LARGE1: variants seen among roughly 807,000 people sequenced by gnomAD.
The protein encoded by LARGE1 is LARGE xylosyl- and glucuronyltransferase 1, also known as xylosyl- and glucuronyltransferase LARGE1.
LARGE1 carries 43 observed loss-of-function variants against 87.6 expected under a neutral mutation model. The ratio of observed to expected loss-of-function variants is 0.49; its 90% CI spans 0.38 to 0.63. LARGE1 has a LOEUF of 0.63. LARGE1 is among the 30% of genes least tolerant of loss of function. The pLI is 0.00. For missense variants in LARGE1, 802 were observed against 1,000.2 expected, an observed-to-expected ratio of 0.80 and a Z score of 2.67; for synonymous variants, 434 against 394.6, an observed-to-expected ratio of 1.10 and a Z score of -1.18.
the LARGE1 span, among the ~76,000 whole-genome samples, chr22:33,124,988 C>T: frequency 6.6e-6 from 1 of 152,188 alleles, no homozygotes; most frequent in African/African-American, 2.4e-5. Context: ...GGTTTGCGGT[C>T]ATATTTATAT....
At chr22:33,804,564 C>T (rs1399918841) in intron 1 of LARGE1, among the ~76,000 whole-genome samples, 2 of 152,338 alleles carry the variant, frequency 1.3e-5, no homozygotes, top group South Asian at 2.1e-4. Flanking sequence ...TTACCAGGCA[C>T]ACACCTGGCA....
chr22:33,493,458 G>A (rs1184920784), intron 6 of LARGE1, among the ~76,000 whole-genome samples: 2 of 152,144 alleles, frequency 1.3e-5, no homozygotes, highest in African/African-American at 4.8e-5. Context: ...ACCGTGCCCG[G>A]CCTGAGCATG....
rs71187250 is a variant in LARGE1 at position 33,198,636 on chromosome 22, GACACACACACACACACACACACACAC to G, written c.1731-31830_1731-31805del. On this transcript the variant is annotated intron_variant, in intron 11 of 11. Coordinates refer to the LARGE1 transcript ENST00000608642. ...CTTTTATAGTATATATATACACCGT[GACACACACACACACACACACACACAC>G]ACACACACACACACGTATCTAAAAT... Among the ~76,000 whole-genome samples the G allele has an allele frequency of 1.1e-3, 149 of 137,754 alleles. 1 individual carries two copies. Among genetic ancestry groups the G allele is most frequent in the African/African-American group, 4.3e-3 (143 of 32,936 alleles). The allele number at this position is 137,754 out of a possible 152,430, so 90.4% of individuals were successfully genotyped here. A position where few individuals can be genotyped will look rare whatever the true frequency, so the allele number is the denominator to read the frequency against.
At chr22:33,349,428 C>T (rs978245317) in intron 9 of LARGE1, among the ~76,000 whole-genome samples, 12 of 152,178 alleles carry the variant, frequency 7.9e-5, no homozygotes, top group Admixed American at 4.6e-4. Context: ...GGAATATACA[C>T]GCTCCATTCC....
At chr22:33,121,745 C>T in the LARGE1 span, among the ~76,000 whole-genome samples, 1 of 152,172 alleles carries the variant, frequency 6.6e-6, no homozygotes, top group African/African-American at 2.4e-5. Flanking sequence ...ATACCTGAGA[C>T]TGGGTAATTT....
intron 11 of LARGE1, among the ~76,000 whole-genome samples, chr22:33,315,482 C>T (rs1174395333): frequency 6.6e-6 from 1 of 152,160 alleles, no homozygotes. Flanking sequence ...CCCCACTGTC[C>T]CTCTTCCTGA....
chr22:33,625,672 C>G (rs978048739), intron 4 of LARGE1, among the ~76,000 whole-genome samples: 10 of 152,218 alleles, frequency 6.6e-5, no homozygotes, highest in Non-Finnish European at 1.3e-4. Flanking sequence ...AGGCCGCTCT[C>G]TTGACTTGCA....
Position 33,612,962 on chromosome 22 carries a change from C to T in LARGE1, c.492-8404G>A, listed in dbSNP as rs140575119. ...CTCTGGTCTATTTAAAGCTTCTGTC[C>T]AGAAGGCAGAGTAAATCCAGAAAGA... On this transcript the variant is annotated intron_variant, in intron 4 of 14. Coordinates refer to ENST00000397394, the MANE Select transcript of LARGE1 (RefSeq NM_133642.5). Among the ~76,000 whole-genome samples the T allele has an allele frequency of 3.7e-3, 569 of 152,260 alleles. 5 individuals are homozygous for T. The highest frequency in any genetic ancestry group is 0.013 in the African/African-American group (532 of 41,562).
rs545403656 is a variant in LARGE1 at position 33,404,015 on chromosome 22, G to A, written c.893-19711C>T. ...GTCTCCTATGTACCAGAACCCATCT[G>A]AAAATAGAAATCATAGTCCTCGGGA... On this transcript the variant is annotated intron_variant, in intron 7 of 14. Transcript: ENST00000397394. Among the ~76,000 whole-genome samples the A allele has an allele frequency of 3.9e-5, 6 of 152,288 alleles. No homozygotes were observed. In the East Asian group the frequency reaches 1.2e-3, roughly 29 times the overall value.
the LARGE1 span, among the ~76,000 whole-genome samples, chr22:33,149,289 G>A: frequency 4.6e-5 from 7 of 151,918 alleles, no homozygotes; most frequent in East Asian, 9.6e-4. Flanking sequence ...TGATCCGCCC[G>A]CCTTGGCCTC....
At chr22:33,777,812 C>T (rs2085297111) in intron 1 of LARGE1, among the ~76,000 whole-genome samples, 1 of 152,144 alleles carries the variant, frequency 6.6e-6, no homozygotes, top group Non-Finnish European at 1.5e-5. Context: ...GCCCAAAGGC[C>T]AATGTGAAAC....
chr22:33,856,783 T>A (rs924204109), intron 1 of LARGE1: 3 of 152,312 alleles, frequency 2.0e-5, no homozygotes, highest in African/African-American at 7.2e-5. Context: ...TGCATCTGAA[T>A]GCGTTTCTTA....
intron 8 of LARGE1, among the ~76,000 whole-genome samples, chr22:33,383,775 T>C (rs2147129988): frequency 6.6e-6 from 1 of 152,290 alleles, no homozygotes; most frequent in East Asian, 1.9e-4. Context: ...CAGTGAAACC[T>C]TGCCTGGGAA....
At chr22:33,253,545 C>G (rs529011294) in intron 11 of LARGE1, among the ~76,000 whole-genome samples, 1 of 152,288 alleles carries the variant, frequency 6.6e-6, no homozygotes, top group South Asian at 2.1e-4. Flanking sequence ...AACCCTGTCT[C>G]TACTAAAAAT....
intron 12 of LARGE1, among the ~76,000 whole-genome samples, chr22:33,294,002 C>T (rs1407841888): frequency 6.6e-6 from 1 of 152,206 alleles, no homozygotes; most frequent in East Asian, 1.9e-4. Flanking sequence ...TTTCAAGAAG[C>T]CCATCCCATA....
chr22:33,601,300 T>A (rs765236614), intron 5 of LARGE1, among the ~76,000 whole-genome samples: 2 of 151,992 alleles, frequency 1.3e-5, no homozygotes, highest in Non-Finnish European at 2.9e-5. Flanking sequence ...ATGGACTAGG[T>A]AGGTGTAGGG....
At chr22:33,621,583 A>G (rs1232657838) in intron 4 of LARGE1, among the ~76,000 whole-genome samples, 4 of 152,226 alleles carry the variant, frequency 2.6e-5, no homozygotes, top group African/African-American at 9.6e-5. Context: ...TATTATTAAC[A>G]TTAGTAAGGT....
intron 2 of LARGE1, among the ~76,000 whole-genome samples, chr22:33,753,372 G>A (rs570584734): frequency 1.2e-4 from 18 of 152,238 alleles, no homozygotes; most frequent in Admixed American, 7.2e-4. Context: ...GGAGGAAGGC[G>A]TCACAAGCCA....
At chr22:33,833,664 TTA>T (rs1028037220) in intron 1 of LARGE1, among the ~76,000 whole-genome samples, 3 of 152,172 alleles carry the variant, frequency 2.0e-5, no homozygotes, top group African/African-American at 7.2e-5. Context: ...TTGTGCACAA[TTA>T]TTGTCATTTT....
Sources: gnomAD v4.1 joint callset for allele counts (sites outside exome capture counted in the v4.1 genomes callset) on GRCh38, gnomAD v4.1.1 for gene constraint, MANE v1.5 for transcripts, NCBI Gene and HGNC (gene_info 2026-07-23, HGNC 2026-07-21) for gene names.